PCDHA10: variants seen among roughly 807,000 people sequenced by gnomAD.
PCDHA10 encodes protocadherin alpha-10.
In PCDHA10, 45 loss-of-function variants were observed where a neutral mutation model predicts 61.2. That is an observed-to-expected ratio of 0.74 (90% CI 0.58 to 0.94). The LOEUF is 0.94. Ranked by LOEUF, PCDHA10 falls within the 40% of genes least tolerant of loss-of-function variation. The probability of loss-of-function intolerance (pLI) is 0.00; values close to 1 mark genes in which losing one functional copy is unlikely to be tolerated. For synonymous variants in PCDHA10, 602 were observed against 548.8 expected (o/e 1.10, Z -1.35); for missense variants, 1,278 against 1,236.2 (o/e 1.03, Z -0.51).
chr5:141,005,489 G>A (rs1336877426), intron 3 of PCDHA10, among the ~76,000 whole-genome samples: 3 of 151,788 alleles, frequency 2.0e-5, no homozygotes, highest in Non-Finnish European at 4.4e-5. Context: ...GGATCATGAG[G>A]TCAGGAGATC....
chr5:140,937,292 C>T (rs575821972), intron 1 of PCDHA10, among the ~76,000 whole-genome samples: 2 of 152,238 alleles, frequency 1.3e-5, no homozygotes, highest in African/African-American at 4.8e-5. Context: ...CCGCTTCGGC[C>T]TCCCAAAGTG....
intron 3 of PCDHA10, among the ~76,000 whole-genome samples, chr5:140,998,072 C>T (rs1554256158): frequency 6.6e-6 from 1 of 152,168 alleles, no homozygotes; most frequent in African/African-American, 2.4e-5. Context: ...CAGACTTAGC[C>T]TCTGCAGTTG....
intron 1 of PCDHA10, among the ~76,000 whole-genome samples, chr5:140,914,284 G>T (rs781914384): frequency 9.9e-5 from 15 of 152,022 alleles, no homozygotes; most frequent in Non-Finnish European, 2.1e-4. Flanking sequence ...ATTTATAATT[G>T]TTATATCCTC....
intron 1 of PCDHA10, among the ~76,000 whole-genome samples, chr5:140,878,493 C>A (rs1339637878): frequency 6.6e-6 from 1 of 152,008 alleles, no homozygotes; most frequent in Non-Finnish European, 1.5e-5. Context: ...AATATTTAAC[C>A]ATCTGTACGA....
At chr5:140,928,696 C>A in intron 1 of PCDHA10, 2 of 1,614,146 alleles carry the variant, frequency 1.2e-6, no homozygotes, top group South Asian at 2.2e-5. Flanking sequence ...CCACATCTCC[C>A]GGGCGTCTGA....
chr5:140,877,994 G>A lies in PCDHA10; in HGVS notation c.2388+19558G>A, dbSNP rs1349448705. On this transcript the variant is annotated intron_variant, in intron 1 of 3. Coordinates refer to ENST00000307360, the MANE Select transcript of PCDHA10 (RefSeq NM_018901.4). Reference sequence around the variant, plus strand: ...ATTCTTACTCATTTTGAACTTTTATGTATTTGTCTAACATTAATGAAGGAA... The same window carrying A: ...ATTCTTACTCATTTTGAACTTTTATATATTTGTCTAACATTAATGAAGGAA... The A allele has an allele frequency of 8.3e-6, 9 of 1,078,340 alleles. No homozygotes were observed. The Admixed American group carries it at 1.0e-4, about 12-fold the overall frequency. 66.8% of individuals were successfully genotyped at this position (1,078,340 alleles called of 1,614,324 possible). A position where few individuals can be genotyped will look rare whatever the true frequency, so the allele number is the denominator to read the frequency against.
chr5:140,905,304 C>T (rs1373391378), intron 1 of PCDHA10, among the ~76,000 whole-genome samples: 1 of 152,150 alleles, frequency 6.6e-6, no homozygotes, highest in Non-Finnish European at 1.5e-5. Flanking sequence ...GTCCTTTCCA[C>T]ACTTTGTGTT....
intron 1 of PCDHA10, among the ~76,000 whole-genome samples, chr5:140,938,921 T>C (rs2092266107): frequency 6.6e-6 from 1 of 151,840 alleles, no homozygotes; most frequent in Non-Finnish European, 1.5e-5. Context: ...GCACAAGAAA[T>C]TGGCTTTTAA....
chr5:140,875,947 G>C (rs1554168112), intron 1 of PCDHA10: 1 of 1,614,184 alleles, frequency 6.2e-7, no homozygotes, highest in Admixed American at 1.7e-5. Flanking sequence ...GGGCGCTTCT[G>C]ATGCGGATAT....
chr5:140,968,506 G>T (rs781902536), intron 1 of PCDHA10: 2 of 1,614,176 alleles, frequency 1.2e-6, no homozygotes, highest in South Asian at 2.2e-5. Context: ...CTCACATTCT[G>T]TACCCTACCT....
Position 140,947,771 on chromosome 5 carries a change from T to C in PCDHA10, c.2389-31178T>C, listed in dbSNP as rs1167163964. ...TATTTTATGGTTTAAAAAATTCTAT[T>C]GTAAATGGATTTTAAACAGACTTTT... On this transcript the variant is annotated intron_variant, in intron 1 of 3. Transcript: ENST00000307360. 2.6e-5 allele frequency among the ~76,000 whole-genome samples: 4 copies of C among 151,706 alleles called. No individual in the cohort carries two copies. The East Asian group carries it at 5.8e-4, about 22-fold the overall frequency.
At chr5:140,909,872 G>A (rs1245615872) in intron 1 of PCDHA10, among the ~76,000 whole-genome samples, 2 of 152,182 alleles carry the variant, frequency 1.3e-5, no homozygotes, top group African/African-American at 4.8e-5. Flanking sequence ...GTCAACGTCA[G>A]CTTAGAGACA....
intron 1 of PCDHA10, among the ~76,000 whole-genome samples, chr5:140,971,036 G>A (rs919714179): frequency 2.0e-5 from 3 of 152,204 alleles, no homozygotes; most frequent in Non-Finnish European, 2.9e-5. Context: ...TTGAAAGCAC[G>A]TAAAAGGGTT....
At chr5:140,908,794 C>T (rs1554193480) in intron 1 of PCDHA10, among the ~76,000 whole-genome samples, 1 of 152,142 alleles carries the variant, frequency 6.6e-6, no homozygotes, top group African/African-American at 2.4e-5. Context: ...TTCTGTACTA[C>T]ATTAAAAAGT....
intron 1 of PCDHA10, chr5:140,884,339 G>A (rs1178682525): frequency 6.2e-7 from 1 of 1,613,788 alleles, no homozygotes; most frequent in Non-Finnish European, 8.5e-7. Context: ...GGGTCCAGAA[G>A]CGGCGCTGGT....
Position 140,855,922 on chromosome 5 carries a change from T to G in PCDHA10, c.-127T>G. ...AGCCAGTTTCTCAAGGACTAGGAAG[T>G]AGCGTCATTCTGAGATCTCAGCCAT... On this transcript the variant is annotated 5_prime_UTR_variant, in exon 1 of 4. Coordinates refer to ENST00000307360, the MANE Select transcript of PCDHA10 (RefSeq NM_018901.4). The G allele has an allele frequency of 8.1e-7, 1 of 1,227,842 alleles. No homozygotes were observed. Among genetic ancestry groups the G allele is most frequent in the South Asian group, 1.5e-5 (1 of 65,180 alleles). The allele number at this position is 1,227,842 out of a possible 1,614,324, so 76.1% of individuals were successfully genotyped here. A position where few individuals can be genotyped will look rare whatever the true frequency, so the allele number is the denominator to read the frequency against.
intron 1 of PCDHA10, among the ~76,000 whole-genome samples, chr5:140,899,276 A>G (rs1402457704): frequency 2.8e-4 from 42 of 152,318 alleles, no homozygotes; most frequent in African/African-American, 9.4e-4. Flanking sequence ...GGCAGTTTTC[A>G]AAGGGAATAC....
At chr5:140,877,093 G>C in intron 1 of PCDHA10, 1 of 1,613,296 alleles carries the variant, frequency 6.2e-7, no homozygotes, top group Non-Finnish European at 8.5e-7. Context: ...GCGCGACGCC[G>C]GCGTGCCGCC....
chr5:140,967,287 A>G (rs1458692984), intron 1 of PCDHA10: 1 of 1,612,826 alleles, frequency 6.2e-7, no homozygotes, highest in Non-Finnish European at 8.5e-7. Flanking sequence ...AGTGCGCAGG[A>G]CCCCGACGTG....
Sources: gnomAD v4.1 joint callset for allele counts (sites outside exome capture counted in the v4.1 genomes callset) on GRCh38, gnomAD v4.1.1 for gene constraint, MANE v1.5 for transcripts, NCBI Gene and HGNC (gene_info 2026-07-23, HGNC 2026-07-21) for gene names.